ARAP2: variants seen among roughly 807,000 people sequenced by gnomAD.
ARAP2 encodes the protein ArfGAP with RhoGAP domain, ankyrin repeat and PH domain 2.
A neutral mutation model predicts 194.5 loss-of-function variants in ARAP2; 148 were observed. The ratio of observed to expected loss-of-function variants is 0.76; its 90% CI spans 0.67 to 0.87. The LOEUF (loss-of-function observed/expected upper bound fraction) is 0.87, where lower values mean the gene tolerates loss of function less well. Ranked by LOEUF, ARAP2 falls within the 40% of genes least tolerant of loss-of-function variation. The probability of loss-of-function intolerance (pLI) is 0.00; values close to 1 mark genes in which losing one functional copy is unlikely to be tolerated. For missense variants in ARAP2, 2,128 were observed against 1,989.7 expected (o/e 1.07, Z -1.32); for synonymous variants, 695 against 683.5 (o/e 1.02, Z -0.26).
intron 20 of ARAP2, among the ~76,000 whole-genome samples, chr4:36,132,157 T>C (rs2109608220): frequency 6.6e-6 from 1 of 151,914 alleles, no homozygotes; most frequent in Non-Finnish European, 1.5e-5. Flanking sequence ...TATCAGTGTA[T>C]TATCAGTTTC....
intron 32 of ARAP2, among the ~76,000 whole-genome samples, chr4:36,069,565 G>A (rs758604558): frequency 5.3e-5 from 8 of 151,692 alleles, no homozygotes; most frequent in East Asian, 1.9e-4. Flanking sequence ...AGTTTCACTC[G>A]GCATCTATTA....
intron 5 of ARAP2, among the ~76,000 whole-genome samples, chr4:36,028,078 T>C (rs186020857): frequency 2.0e-5 from 3 of 152,348 alleles, no homozygotes; most frequent in South Asian, 2.1e-4. Flanking sequence ...TACTGGTTTA[T>C]AGTGTATTTA....
chr4:36,165,655 T>C (rs1406297487), intron 10 of ARAP2, among the ~76,000 whole-genome samples: 2 of 152,272 alleles, frequency 1.3e-5, no homozygotes, highest in South Asian at 2.1e-4. Flanking sequence ...GTTACTATTC[T>C]AACAGTTTTC....
chr4:36,051,672 T>G (rs2109251505), intron 3 of ARAP2, among the ~76,000 whole-genome samples: 1 of 152,332 alleles, frequency 6.6e-6, no homozygotes, highest in African/African-American at 2.4e-5. Flanking sequence ...TCTTTTATCC[T>G]TTCTTGCATA....
At chr4:36,023,444 G>T (rs940948222) in intron 5 of ARAP2, among the ~76,000 whole-genome samples, 1 of 152,056 alleles carries the variant, frequency 6.6e-6, no homozygotes, top group African/African-American at 2.4e-5. Flanking sequence ...GCAACAGGGG[G>T]TTAATGCTCA....
rs765707304 is a variant in ARAP2 at position 36,197,394 on chromosome 4, C to T, written c.1488-3747G>A. Among the ~76,000 whole-genome samples the T allele has an allele frequency of 5.4e-4, 82 of 152,194 alleles. 1 individual carries two copies. Among genetic ancestry groups the T allele is most frequent in the Admixed American group, 2.6e-4 (4 of 15,290 alleles). The stretch of plus-strand genomic sequence containing the variant: ...TCTATCGTATAAATATAGAAATAAA[C>T]ACTACTGAAAAACTTCATCCTTACT... On this transcript the variant is annotated intron_variant, in intron 6 of 32. Transcript: ENST00000303965.
At chr4:36,097,448 T>C (rs1487125067) in intron 27 of ARAP2, among the ~76,000 whole-genome samples, 1 of 152,126 alleles carries the variant, frequency 6.6e-6, no homozygotes, top group African/African-American at 2.4e-5. Flanking sequence ...TGGGGTACAC[T>C]GTGTGTAACT....
chr4:36,093,050 T>C (rs1448079028), intron 27 of ARAP2, among the ~76,000 whole-genome samples: 1 of 152,154 alleles, frequency 6.6e-6, no homozygotes, highest in Non-Finnish European at 1.5e-5. Context: ...ATCATGTCCT[T>C]TGCAGGGACA....
At chr4:36,076,033 T>G (rs1728180004) in intron 31 of ARAP2, among the ~76,000 whole-genome samples, 1 of 152,124 alleles carries the variant, frequency 6.6e-6, no homozygotes, top group South Asian at 2.1e-4. Flanking sequence ...TACTGATCAT[T>G]TAAGAAAATA....
At position 36,096,283 on chromosome 4, in the gene ARAP2, T is replaced by G. The variant is rs565388473; in HGVS notation, c.4286-4263A>C. Among the ~76,000 whole-genome samples the G allele has an allele frequency of 2.1e-4, 31 of 147,340 alleles. 1 individual carries two copies. Among genetic ancestry groups the G allele is most frequent in the Admixed American group, 2.1e-3 (30 of 14,308 alleles). ...AGGAGGCTGAGGCATGAGAATCATCTGAACCTGAGAGGCGGAGGTTGAAGT... is the reference window on the plus strand; with the variant it reads ...AGGAGGCTGAGGCATGAGAATCATCGGAACCTGAGAGGCGGAGGTTGAAGT... On this transcript the variant is annotated intron_variant, in intron 27 of 32. Coordinates refer to ENST00000303965, the MANE Select transcript of ARAP2 (RefSeq NM_015230.4).
rs530121546 is a variant in ARAP2, at chr4:36,192,878, C to A, written c.1557+700G>T. On this transcript the variant is annotated intron_variant, in intron 7 of 32. Transcript: ENST00000303965. Reference sequence around the variant, plus strand: ...AGGCATGGTGGTGTGCACCTGTAATCCCAGCTACTCAGGAGGCTGAGGCAG... The same window carrying A: ...AGGCATGGTGGTGTGCACCTGTAATACCAGCTACTCAGGAGGCTGAGGCAG... 2.4e-3 allele frequency among the ~76,000 whole-genome samples: 364 copies of A among 152,196 alleles called. 2 individuals carry two copies. Among genetic ancestry groups the A allele is most frequent in the African/African-American group, 8.5e-3 (351 of 41,502 alleles).
intron 6 of ARAP2, among the ~76,000 whole-genome samples, chr4:36,018,232 T>G (rs1716232140): frequency 1.3e-5 from 2 of 152,182 alleles, no homozygotes; most frequent in Non-Finnish European, 2.9e-5. Context: ...GCACCATGAC[T>G]GAGGTCATGA....
At chr4:36,201,648 T>A (rs1744387718) in intron 6 of ARAP2, among the ~76,000 whole-genome samples, 1 of 152,210 alleles carries the variant, frequency 6.6e-6, no homozygotes, top group South Asian at 2.1e-4. Context: ...AGCTTCACCA[T>A]CTGGTATCAG....
At chr4:36,023,715 A>G (rs1717407493) in intron 5 of ARAP2, among the ~76,000 whole-genome samples, 1 of 152,168 alleles carries the variant, frequency 6.6e-6, no homozygotes, top group South Asian at 2.1e-4. Context: ...AGGACATAAT[A>G]ATGGAGAGAT....
At position 36,102,174 on chromosome 4, in the gene ARAP2, T is replaced by C. The variant is rs751727690; in HGVS notation, c.4285+5391A>G. 2.6e-5 allele frequency among the ~76,000 whole-genome samples: 4 copies of C among 151,998 alleles called. 1 individual carries two copies. Among genetic ancestry groups the C allele is most frequent in the Admixed American group, 2.0e-4 (3 of 15,208 alleles). On this transcript the variant is annotated intron_variant, in intron 27 of 32. Transcript: ENST00000303965. ...TAGGTTTAGGTATTTAGTTCCCTTCTAGACATATATCCTCAAACACACGTC... is the reference window on the plus strand; with the variant it reads ...TAGGTTTAGGTATTTAGTTCCCTTCCAGACATATATCCTCAAACACACGTC...
chr4:36,242,018 A>C (rs147311892), intron 1 of ARAP2, among the ~76,000 whole-genome samples: 1 of 152,366 alleles, frequency 6.6e-6, no homozygotes, highest in African/African-American at 2.4e-5. Context: ...GAATACCATT[A>C]AGTACTGCTT....
chr4:36,069,932 TC>T (rs1166098575), intron 32 of ARAP2, among the ~76,000 whole-genome samples: 7 of 151,964 alleles, frequency 4.6e-5, no homozygotes, highest in Admixed American at 4.6e-4. Context: ...GTAGCACCTT[TC>T]CCCCCTCTCT....
intron 22 of ARAP2, among the ~76,000 whole-genome samples, chr4:36,121,702 G>A (rs1722715708): frequency 6.6e-6 from 1 of 151,610 alleles, no homozygotes; most frequent in African/African-American, 2.4e-5. Flanking sequence ...AATGGGGCAG[G>A]AGGTATGTAG....
intron 19 of ARAP2, among the ~76,000 whole-genome samples, chr4:36,140,486 T>C (rs1728049160): frequency 6.6e-6 from 1 of 151,770 alleles, no homozygotes; most frequent in African/African-American, 2.4e-5. Context: ...TTAAGCCATC[T>C]CTAAGAATTA....
Sources: allele counts gnomAD v4.1 joint callset (sites outside exome capture counted in the v4.1 genomes callset), GRCh38; gene constraint gnomAD v4.1.1; transcripts MANE v1.5; gene names NCBI Gene and HGNC (gene_info 2026-07-23, HGNC 2026-07-21).